Variants in MTMR7 observed in about 807,000 individuals in gnomAD.
MTMR7 encodes phosphatidylinositol-3-phosphate phosphatase MTMR7.
In MTMR7, 76 loss-of-function variants were observed where a neutral mutation model predicts 81.2. That is an observed-to-expected ratio of 0.94 (90% CI 0.78 to 1.13). The LOEUF (loss-of-function observed/expected upper bound fraction) is 1.13. MTMR7 is among the 50% of genes most tolerant of loss of function. The pLI is 0.00. For missense variants in MTMR7, 1,044 were observed against 820.0 expected (o/e 1.27, Z -3.34); for synonymous variants, 372 against 289.8 (o/e 1.28, Z -2.88).
chr8:17,314,519 A>G (rs1399188232), intron 7 of MTMR7, among the ~76,000 whole-genome samples: 1 of 152,192 alleles, frequency 6.6e-6, no homozygotes, highest in African/African-American at 2.4e-5. Flanking sequence ...TATGGGTCAC[A>G]TAGCAGCATT....
intron 4 of MTMR7, among the ~76,000 whole-genome samples, chr8:17,352,452 A>G (rs1183550090): frequency 6.6e-6 from 1 of 152,230 alleles, no homozygotes; most frequent in African/African-American, 2.4e-5. Context: ...AATTAACTCA[A>G]AATGGACTAA....
intron 7 of MTMR7, among the ~76,000 whole-genome samples, chr8:17,326,688 G>C (rs998227680): frequency 2.6e-5 from 4 of 152,176 alleles, no homozygotes; most frequent in African/African-American, 9.7e-5. Context: ...CAACATGTGG[G>C]GCCCTCAGCT....
chr8:17,371,043 T>C lies in MTMR7; in HGVS notation c.304A>G (p.Arg102Gly), dbSNP rs1375401228. Residue 102 changes from arginine to glycine, a missense_variant, in exon 3 of 14, where the codon AGG (arginine) becomes GGG (glycine). Transcript: ENST00000180173. ...CCGAGTTCCTCTGCCCTACCTGGCC[T>C]TGCAAGGCGTATCAGGGAGATGTAC... is the stretch of plus-strand genomic sequence containing the variant. ...DVYISLIRLARPVKYEELYCF... is the reference protein window; with the variant it reads ...DVYISLIRLAGPVKYEELYCF... The C allele has an allele frequency of 6.2e-7, 1 of 1,612,894 alleles. No individual in the cohort carries two copies. The highest frequency in any genetic ancestry group is 8.5e-7 in the Non-Finnish European group (1 of 1,179,484).
At position 17,380,455 on chromosome 8, in the gene MTMR7, G is replaced by A. The variant is rs189498911; in HGVS notation, c.25-7215C>T. 1.9e-4 allele frequency among the ~76,000 whole-genome samples: 29 copies of A among 152,090 alleles called. No homozygotes were observed. In the East Asian group the frequency reaches 5.2e-3, roughly 27 times the overall value. On this transcript the variant is annotated intron_variant, in intron 1 of 13. Transcript: ENST00000180173. ...CCAGATCCTGCAGGGAACAGGTGGC[G>A]TGGCCCGGCCAGCATGGGTCTCCAA...
chr8:17,310,697 C>T (rs1303438885), intron 9 of MTMR7, among the ~76,000 whole-genome samples: 2 of 152,218 alleles, frequency 1.3e-5, no homozygotes, highest in African/African-American at 4.8e-5. Context: ...GAGAGGGAGC[C>T]TGCCTCTTCG....
intron 2 of MTMR7, among the ~76,000 whole-genome samples, chr8:17,372,776 A>G (rs990232566): frequency 7.9e-5 from 12 of 152,176 alleles, no homozygotes; most frequent in African/African-American, 2.4e-4. Flanking sequence ...CCCTGCAAAT[A>G]GAGACTATTG....
At chr8:17,409,158 C>A (rs73211156) in intron 1 of MTMR7, among the ~76,000 whole-genome samples, 20,768 of 152,074 alleles carry the variant, frequency 0.14, 2,680 homozygotes, top group African/African-American at 0.32. Flanking sequence ...AAAGCAAATT[C>A]TTAAAAATAA....
chr8:17,347,068 C>A (rs111235927), intron 5 of MTMR7, among the ~76,000 whole-genome samples: 12 of 151,666 alleles, frequency 7.9e-5, no homozygotes, highest in South Asian at 2.1e-4. Context: ...GGGTGGCACA[C>A]GCGTGGTCCC....
At chr8:17,393,090 G>T (rs1330219816) in intron 1 of MTMR7, among the ~76,000 whole-genome samples, 1 of 152,104 alleles carries the variant, frequency 6.6e-6, no homozygotes, top group Non-Finnish European at 1.5e-5. Context: ...AGATATTAAA[G>T]GAATAGAACT....
chr8:17,375,983 A>G (rs75710012), intron 1 of MTMR7, among the ~76,000 whole-genome samples: 2,039 of 152,302 alleles, frequency 0.013, 46 homozygotes, highest in East Asian at 0.075. Context: ...ACAACACTGT[A>G]TACACTGCCA....
Position 17,340,394 on chromosome 8 carries a change from T to A in MTMR7, c.732+969A>T, listed in dbSNP as rs558666350. On this transcript the variant is annotated intron_variant, in intron 6 of 13. Transcript: ENST00000180173. ...TCCTCAGTCACAGGTCCAGGCACAT[T>A]TTCATTAGTGGCTAGGAAAGTGCAA... is the stretch of plus-strand genomic sequence containing the variant. Among the ~76,000 whole-genome samples, 7 of 152,342 alleles carry A rather than the reference T, an allele frequency of 4.6e-5. No individual in the cohort carries two copies. The South Asian group carries it at 1.4e-3, about 32-fold the overall frequency.
rs142589468 is a variant in MTMR7, at chr8:17,400,400, G to A, written c.24+12869C>T. On this transcript the variant is annotated intron_variant, in intron 1 of 13. Coordinates refer to ENST00000180173, the MANE Select transcript of MTMR7 (RefSeq NM_004686.5). ...TGAGGATTCAAAACCAGGCATTGTG[G>A]CCCCAGAGTGTGTGTTCTTAACAAC... Among the ~76,000 whole-genome samples the A allele has an allele frequency of 4.8e-4, 73 of 152,280 alleles. No individual in the cohort carries two copies. The East Asian group carries it at 0.01, about 22-fold the overall frequency.
At chr8:17,377,752 A>C (rs974727800) in intron 1 of MTMR7, among the ~76,000 whole-genome samples, 1 of 152,120 alleles carries the variant, frequency 6.6e-6, no homozygotes, top group Non-Finnish European at 1.5e-5. Context: ...TAGATGGTCT[A>C]TAATTGCACT....
At chr8:17,407,490 A>G (rs117221577) in intron 1 of MTMR7, among the ~76,000 whole-genome samples, 3,285 of 152,250 alleles carry the variant, frequency 0.022, 47 homozygotes, top group Non-Finnish European at 0.034. Flanking sequence ...CTAGGGTTCT[A>G]TTCTAGGGAA....
intron 1 of MTMR7, among the ~76,000 whole-genome samples, chr8:17,381,947 G>A (rs1380747106): frequency 2.0e-5 from 3 of 152,168 alleles, no homozygotes; most frequent in African/African-American, 7.2e-5. Flanking sequence ...CCTGCATTTT[G>A]ACTTCTATAA....
chr8:17,343,349 G>A (rs1819461247), intron 5 of MTMR7, among the ~76,000 whole-genome samples: 2 of 152,016 alleles, frequency 1.3e-5, no homozygotes, highest in Admixed American at 6.5e-5. Flanking sequence ...AGAATCACTT[G>A]AACCCGACAG....
chr8:17,369,641 C>CTTTTTTTTTTTTTTTTTTTTTT (rs71212689), intron 3 of MTMR7, among the ~76,000 whole-genome samples: 1 of 106,246 alleles, frequency 9.4e-6, no homozygotes, highest in Non-Finnish European at 1.9e-5. Context: ...TTCTTTTTTT[C>CTTTTTTTTTTTTTTTTTTTTTT]TTTTTTTTTT....
In MTMR7 at chr8:17,371,070, C is replaced by G. The variant is rs750025567; in HGVS notation, c.277G>C (p.Val93Leu). The change falls in exon 3 of 14, where the codon GTG (valine) becomes CTG (leucine). Residue 93 changes from valine (V) to leucine (L), a missense_variant. Val to Leu is a conservative substitution (Grantham distance 32). Coordinates refer to ENST00000180173, the MANE Select transcript of MTMR7 (RefSeq NM_004686.5). ...IIPQERDCHD[V>L]YISLIRLARP... ...GCAAGGCGTATCAGGGAGATGTACA[C>G]GTCGTGGCAATCTCTTTCCTGAGGT... 2.5e-6 allele frequency: 4 copies of G among 1,614,074 alleles called. No individual in the cohort carries two copies. Among genetic ancestry groups the G allele is most frequent in the East Asian group, 2.2e-5 (1 of 44,880 alleles).
At chr8:17,384,799 A>C (rs887113585) in intron 1 of MTMR7, among the ~76,000 whole-genome samples, 1 of 152,254 alleles carries the variant, frequency 6.6e-6, no homozygotes, top group African/African-American at 2.4e-5. Flanking sequence ...GAAATAAAGA[A>C]CGTCAACTGT....
Sources: allele counts gnomAD v4.1 joint callset (sites outside exome capture counted in the v4.1 genomes callset), GRCh38; gene constraint gnomAD v4.1.1; transcripts MANE v1.5; gene names NCBI Gene and HGNC (gene_info 2026-07-23, HGNC 2026-07-21).